The following DLX6 variants were observed in gnomAD, a reference collection of about 807,000 sequenced individuals.
The protein encoded by DLX6 is distal-less homeobox 6.
In DLX6, 4 loss-of-function variants were observed where a neutral mutation model predicts 33.5. The ratio of observed to expected loss-of-function variants is 0.12; its 90% CI spans 0.06 to 0.27. The LOEUF (loss-of-function observed/expected upper bound fraction) is 0.27, where lower values mean the gene tolerates loss of function less well. Ranked by LOEUF, DLX6 falls within the 10% of genes least tolerant of loss-of-function variation. The pLI is 1.00. For missense variants in DLX6, 382 were observed against 393.3 expected, an observed-to-expected ratio of 0.97 and a Z score of 0.24; for synonymous variants, 184 against 164.8, an observed-to-expected ratio of 1.12 and a Z score of -0.89.
chr7:97,007,916 C>A, intron 2 of DLX6, 85 bp downstream of exon 2: 1 of 1,349,802 alleles, frequency 7.4e-7, no homozygotes, highest in Non-Finnish European at 9.9e-7. Context: ...GAATTGTTGG[C>A]CTAGTCAACC....
Position 97,006,034 on chromosome 7 carries a change from C to A in DLX6, c.57C>A (p.Ser19=). 1 of 1,594,076 alleles carries A rather than the reference C, an allele frequency of 6.3e-7. No individual in the cohort carries two copies. The highest frequency in any genetic ancestry group is 8.5e-7 in the Non-Finnish European group (1 of 1,170,990). ...DGLEGQDSSK[S]AFMEFGQQQQ... The stretch of plus-strand genomic sequence containing the variant: ...TGGAAGGCCAGGACTCGTCCAAATC[C>A]GCCTTCATGGAGTTCGGGCAGCAGC... Residue 19 remains serine (S), a synonymous_variant, in exon 1 of 3, where the codon TCC becomes TCA. Transcript: ENST00000518156.
chr7:97,006,262 C>T lies in DLX6; in HGVS notation c.285C>T (p.His95=). Residue 95 remains histidine (H), a synonymous_variant, in exon 1 of 3, where the codon CAC becomes CAT. Transcript: ENST00000518156. ...SHHHHHHQHH[H]HGSPYASGGG... ...ACCACCACCACCACCAGCACCACCA[C>T]CACGGCTCGCCCTACGCGTCGGGCG... 6.5e-7 allele frequency: 1 copy of T among 1,527,300 alleles called. No individual in the cohort carries two copies. Among genetic ancestry groups the T allele is most frequent in the Non-Finnish European group, 8.8e-7 (1 of 1,135,020 alleles). The allele number at this position is 1,527,300 out of a possible 1,614,324, so 94.6% of individuals were successfully genotyped here. A position where few individuals can be genotyped will look rare whatever the true frequency, so the allele number is the denominator to read the frequency against.
chr7:97,007,943 T>G, intron 2 of DLX6, 112 bp downstream of exon 2: 1 of 1,091,496 alleles, frequency 9.2e-7, no homozygotes, highest in Non-Finnish European at 1.3e-6. Flanking sequence ...GGAAGGAGCT[T>G]AATGACAAAT....
At position 97,006,108 on chromosome 7, in the gene DLX6, A is replaced by AGCCGCCGCC. The variant is rs559903070; in HGVS notation, c.152_160dup (p.Pro51_Pro53dup). The AGCCGCCGCC allele has an allele frequency of 6.2e-4, 928 of 1,502,036 alleles. No individual in the cohort carries two copies. Among genetic ancestry groups the AGCCGCCGCC allele is most frequent in the East Asian group, 9.5e-4 (38 of 40,164 alleles). 93.0% of individuals were successfully genotyped at this position (1,502,036 alleles called of 1,614,324 possible). On this transcript the variant is annotated inframe_insertion, in exon 1 of 3. Coordinates refer to ENST00000518156, the MANE Select transcript of DLX6 (RefSeq NM_005222.4). ...CAGCAGCAGCAGCAGCAACAGCAAC[A>AGCCGCCGCC]GCCGCCGCCGCCGCCGCCGCCGCCG...
chr7:97,006,108 AGCCGCC>A lies in DLX6; in HGVS notation c.155_160del (p.Pro52_Pro53del), dbSNP rs559903070. The A allele has an allele frequency of 1.2e-3, 1,787 of 1,501,948 alleles. 7 individuals carry two copies. Among genetic ancestry groups the A allele is most frequent in the Non-Finnish European group, 1.4e-3 (1,507 of 1,109,398 alleles). 93.0% of individuals were successfully genotyped at this position (1,501,948 alleles called of 1,614,324 possible). On this transcript the variant is annotated inframe_deletion, in exon 1 of 3. Transcript: ENST00000518156. ...CAGCAGCAGCAGCAGCAACAGCAAC[AGCCGCC>A]GCCGCCGCCGCCGCCGCCGCCGCAG...
In DLX6 at chr7:97,010,782, A is replaced by G. The variant is rs1412925639; in HGVS notation, c.*735A>G. On this transcript the variant is annotated 3_prime_UTR_variant, in exon 3 of 3. Coordinates refer to ENST00000518156, the MANE Select transcript of DLX6 (RefSeq NM_005222.4). Reference sequence around the variant, plus strand: ...ACCAGGAATGATGGTTGATTAAAAAAAAACAAAACAAAAACCACTCTTTCC... The same window carrying G: ...ACCAGGAATGATGGTTGATTAAAAAGAAACAAAACAAAAACCACTCTTTCC... The G allele has an allele frequency of 6.6e-6, 1 of 152,134 alleles. No individual in the cohort carries two copies. Among genetic ancestry groups the G allele is most frequent in the Non-Finnish European group, 1.5e-5 (1 of 67,950 alleles). The allele number at this position is 152,134 out of a possible 1,614,324, so 9.4% of individuals were successfully genotyped here. A position where few individuals can be genotyped will look rare whatever the true frequency, so the allele number is the denominator to read the frequency against.
At chr7:97,009,407 A>G (rs1335504943) in intron 2 of DLX6, among the ~76,000 whole-genome samples, 1 of 152,214 alleles carries the variant, frequency 6.6e-6, no homozygotes, top group Non-Finnish European at 1.5e-5. Flanking sequence ...ATTTTATGTA[A>G]AATGACAAGA....
intron 1 of DLX6, chr7:97,007,208 T>C: frequency 4.9e-6 from 2 of 404,960 alleles, no homozygotes; most frequent in Non-Finnish European, 8.9e-6. Flanking sequence ...GCACTGAGCT[T>C]GGAGCTGGTG....
rs376564037 is a variant in DLX6, at chr7:97,010,023, G to A, written c.858G>A (p.Thr286=). ...GGTACTCCTCTCCACACCAGGACAC[G>A]ATGCAGAGACCACAGATGATGTGAG... ...SHWYSSPHQD[T]MQRPQMM The change falls in exon 3 of 3, where the codon ACG becomes ACA. Residue 286 remains threonine (T), a synonymous_variant. Coordinates refer to ENST00000518156, the MANE Select transcript of DLX6 (RefSeq NM_005222.4). 2.6e-5 allele frequency: 41 copies of A among 1,599,380 alleles called. No individual in the cohort carries two copies. The highest frequency in any genetic ancestry group is 5.4e-5 in the African/African-American group (4 of 74,618).
rs778516738 is a variant in DLX6, at chr7:97,006,326, C to A, written c.349C>A (p.Pro117Thr). Residue 117 changes from proline to threonine, a missense_variant, in exon 1 of 3, where the codon CCC (proline) becomes ACC (threonine). Physicochemically the swap from Pro to Thr is conservative, Grantham distance 38. Around this residue, in one of 4 missense-constraint regions of DLX6, gnomAD observed 257 missense variants for 206.9 expected, o/e 1.24. Coordinates refer to ENST00000518156, the MANE Select transcript of DLX6 (RefSeq NM_005222.4). ...CAACCACCGCTCGCTCGCCGCCTAC[C>A]CCTACATGAGCCACTCGCAGCACAG... ...SYNHRSLAAYPYMSHSQHSPY... is the reference protein window; with the variant it reads ...SYNHRSLAAYTYMSHSQHSPY... 3 of 1,518,378 alleles carry A rather than the reference C, an allele frequency of 2.0e-6. No homozygotes were observed. The highest frequency in any genetic ancestry group is 1.3e-5 in the South Asian group (1 of 79,554). The allele number at this position is 1,518,378 out of a possible 1,614,324, so 94.1% of individuals were successfully genotyped here. A position where few individuals can be genotyped will look rare whatever the true frequency, so the allele number is the denominator to read the frequency against.
chr7:97,005,751 C>T lies in DLX6; in HGVS notation c.-227C>T, dbSNP rs1169961998. ...CCTCCTCCCTTTGAGTTAACAAGGC[C>T]CCGCTCACTATATCTCTTTATATTA... On this transcript the variant is annotated 5_prime_UTR_variant, in exon 1 of 3. Coordinates refer to ENST00000518156, the MANE Select transcript of DLX6 (RefSeq NM_005222.4). 4 of 247,442 alleles carry T rather than the reference C, an allele frequency of 1.6e-5. No homozygotes were observed. Among genetic ancestry groups the T allele is most frequent in the African/African-American group, 2.3e-5 (1 of 44,306 alleles). 15.3% of individuals were successfully genotyped at this position (247,442 alleles called of 1,614,324 possible).
At position 97,006,005 on chromosome 7, in the gene DLX6, G is replaced by C. The variant is rs772647684; in HGVS notation, c.28G>C (p.Gly10Arg). 3 of 1,597,064 alleles carry C rather than the reference G, an allele frequency of 1.9e-6. No individual in the cohort carries two copies. Among genetic ancestry groups the C allele is most frequent in the Non-Finnish European group, 2.6e-6 (3 of 1,172,090 alleles). MMTMTTMADGLEGQDSSKSA... is the reference protein window; with the variant it reads MMTMTTMADRLEGQDSSKSA... Reference sequence around the variant, plus strand: ...GATGACCATGACTACGATGGCTGACGGCTTGGAAGGCCAGGACTCGTCCAA... The same window carrying C: ...GATGACCATGACTACGATGGCTGACCGCTTGGAAGGCCAGGACTCGTCCAA... The change falls in exon 1 of 3, where the codon GGC becomes CGC. Residue 10 changes from glycine (G) to arginine (R), a missense_variant. Transcript: ENST00000518156.
Position 97,009,806 on chromosome 7 carries a change from G to C in DLX6, c.641G>C (p.Trp214Ser), listed in dbSNP as rs1789808578. The C allele has an allele frequency of 6.2e-7, 1 of 1,613,170 alleles. No homozygotes were observed. The highest frequency in any genetic ancestry group is 1.7e-5 in the Admixed American group (1 of 59,982). The stretch of plus-strand genomic sequence containing the variant: ...CTGCATTTCTTGCAGGTGAAGATAT[G>C]GTTTCAGAACAAACGCTCTAAGTTT... ...LGLTQTQVKIWFQNKRSKFKK... is the reference protein window; with the variant it reads ...LGLTQTQVKISFQNKRSKFKK... Residue 214 changes from tryptophan (W) to serine (S), a missense_variant, in exon 3 of 3, where the codon TGG (tryptophan) becomes TCG (serine). By Grantham distance (177) the Trp-to-Ser change is radical (BLOSUM62 -3). Transcript: ENST00000518156.
At position 97,008,384 on chromosome 7, in the gene DLX6, C is replaced by T. The variant is rs564656714; in HGVS notation, c.630+553C>T. ...CAAGGTGGGTTTTTCTGAAGATTTCCCTAAGCACGGTGGTTAAGTCATCTG... is the reference window on the plus strand; with the variant it reads ...CAAGGTGGGTTTTTCTGAAGATTTCTCTAAGCACGGTGGTTAAGTCATCTG... On this transcript the variant is annotated intron_variant, in intron 2 of 2. Coordinates refer to ENST00000518156, the MANE Select transcript of DLX6 (RefSeq NM_005222.4). Among the ~76,000 whole-genome samples, 6 of 152,232 alleles carry T rather than the reference C, an allele frequency of 3.9e-5. No individual in the cohort carries two copies. The South Asian group carries it at 1.2e-3, about 32-fold the overall frequency.
chr7:97,009,713 T>A, intron 2 of DLX6, 83 bp from the exon 3 acceptor site: 2 of 1,536,474 alleles, frequency 1.3e-6, no homozygotes, highest in South Asian at 1.3e-5. Flanking sequence ...TTTGCTTTTT[T>A]AATATTGCTT....
intron 1 of DLX6, 24 bp downstream of exon 1, chr7:97,006,437 G>T: frequency 7.7e-7 from 1 of 1,292,260 alleles, no homozygotes; most frequent in Non-Finnish European, 9.9e-7. Flanking sequence ...GGGGCAGCTC[G>T]CTTCTCCCGC....
Position 97,006,163 on chromosome 7 carries a change from G to C in DLX6, c.186G>C (p.Pro62=). ...AGCCGCACTCGCAGCAGAGCTCCCCGGCCATGGCAGGCGCGCACTACCCTC... is the reference window on the plus strand; with the variant it reads ...AGCCGCACTCGCAGCAGAGCTCCCCCGCCATGGCAGGCGCGCACTACCCTC... ...PPQPHSQQSS[P]AMAGAHYPLH... Residue 62 remains proline, a synonymous_variant, in exon 1 of 3, where the codon CCG becomes CCC. Transcript: ENST00000518156. The C allele has an allele frequency of 6.5e-7, 1 of 1,542,232 alleles. No individual in the cohort carries two copies. The highest frequency in any genetic ancestry group is 8.8e-7 in the Non-Finnish European group (1 of 1,140,852).
chr7:97,006,211 G>A lies in DLX6; in HGVS notation c.234G>A (p.Ala78=). ...HYPLHCLHSA[A]AAAAAGSHHH... is the part of the protein sequence containing the mutation. ...CTCTGCACTGCCTGCACTCGGCGGC[G>A]GCGGCGGCAGCGGCCGGCTCGCACC... The change falls in exon 1 of 3, where the codon GCG becomes GCA. Residue 78 remains alanine, a synonymous_variant. Transcript: ENST00000518156. The A allele has an allele frequency of 6.6e-7, 1 of 1,508,664 alleles. No homozygotes were observed. The highest frequency in any genetic ancestry group is 8.9e-7 in the Non-Finnish European group (1 of 1,124,872). The allele number at this position is 1,508,664 out of a possible 1,614,324, so 93.5% of individuals were successfully genotyped here.
Position 97,005,813 on chromosome 7 carries a change from G to C in DLX6, c.-165G>C, listed in dbSNP as rs1327203701. Reference sequence around the variant, plus strand: ...ATATTAGAGAAGAGCGAGGGAGAGGGAGAACCACCTCCACCCCCCTCTTTA... The same window carrying C: ...ATATTAGAGAAGAGCGAGGGAGAGGCAGAACCACCTCCACCCCCCTCTTTA... On this transcript the variant is annotated 5_prime_UTR_variant, in exon 1 of 3. Coordinates refer to ENST00000518156, the MANE Select transcript of DLX6 (RefSeq NM_005222.4). The C allele has an allele frequency of 1.9e-6, 1 of 514,816 alleles. No individual in the cohort carries two copies. The highest frequency in any genetic ancestry group is 3.3e-6 in the Non-Finnish European group (1 of 298,684). The allele number at this position is 514,816 out of a possible 1,614,324, so 31.9% of individuals were successfully genotyped here. A position where few individuals can be genotyped will look rare whatever the true frequency, so the allele number is the denominator to read the frequency against.
Sources: allele counts gnomAD v4.1 joint callset (sites outside exome capture counted in the v4.1 genomes callset), GRCh38; gene constraint gnomAD v4.1.1; regional missense constraint gnomAD v4.1.1; transcripts MANE v1.5; gene names NCBI Gene and HGNC (gene_info 2026-07-23, HGNC 2026-07-21).